MACROD2: variants seen among roughly 807,000 people sequenced by gnomAD.
The protein encoded by MACROD2 is mono-ADP ribosylhydrolase 2.
In MACROD2, 36 loss-of-function variants were observed where a neutral mutation model predicts 70.4. That is an observed-to-expected ratio of 0.51 (90% CI 0.39 to 0.68). The LOEUF is 0.68. Among genes scored for constraint, MACROD2 ranks in the 30% least tolerant of loss-of-function variants. The probability of loss-of-function intolerance (pLI) is 0.00; values close to 1 mark genes in which losing one functional copy is unlikely to be tolerated. For missense variants in MACROD2, 496 were observed against 538.4 expected, an observed-to-expected ratio of 0.92 and a Z score of 0.78; for synonymous variants, 172 against 178.8, an observed-to-expected ratio of 0.96 and a Z score of 0.30.
intron 3 of MACROD2, among the ~76,000 whole-genome samples, chr20:14,476,937 C>G (rs2084601763): frequency 6.6e-6 from 1 of 152,116 alleles, no homozygotes; most frequent in South Asian, 2.1e-4. Context: ...CAAGATGTGG[C>G]AGAAAGAGTG....
At chr20:14,309,225 A>G (rs1007469028) in intron 3 of MACROD2, among the ~76,000 whole-genome samples, 1 of 152,120 alleles carries the variant, frequency 6.6e-6, no homozygotes, top group African/African-American at 2.4e-5. Context: ...GTATGATTCA[A>G]CCTCTTCAAG....
rs976552546 is a variant in MACROD2, at chr20:16,051,029, C to G, written c.*1153C>G. 1 of 152,266 alleles carries G rather than the reference C, an allele frequency of 6.6e-6. No homozygotes were observed. Among genetic ancestry groups the G allele is most frequent in the Non-Finnish European group, 1.5e-5 (1 of 68,118 alleles). 9.4% of individuals were successfully genotyped at this position (152,266 alleles called of 1,614,324 possible). ...GCAGCAGTACTAAAAACCCAAGATG[C>G]CAGTGGTATAGTGGGCACAAGGGAT... On this transcript the variant is annotated 3_prime_UTR_variant, in exon 18 of 18. Coordinates refer to ENST00000684519, the MANE Select transcript of MACROD2 (RefSeq NM_001351661.2).
chr20:16,021,217 G>A (rs11908457), intron 15 of MACROD2, among the ~76,000 whole-genome samples: 5,350 of 152,238 alleles, frequency 0.035, 262 homozygotes, highest in East Asian at 0.16. Context: ...CTCAGAACGT[G>A]AGTAGCAACC....
chr20:15,348,153 C>T (rs1311091649), intron 6 of MACROD2, among the ~76,000 whole-genome samples: 1 of 152,164 alleles, frequency 6.6e-6, no homozygotes, highest in East Asian at 1.9e-4. Flanking sequence ...GAACCTGACT[C>T]CATGGTCCAC....
At chr20:14,710,175 A>C (rs2071320975) in intron 5 of MACROD2, among the ~76,000 whole-genome samples, 1 of 152,178 alleles carries the variant, frequency 6.6e-6, no homozygotes, top group African/African-American at 2.4e-5. Flanking sequence ...AGAGTAAGCA[A>C]GGAGACCTCG....
At chr20:14,136,412 C>T (rs947803131) in intron 3 of MACROD2, among the ~76,000 whole-genome samples, 7 of 152,244 alleles carry the variant, frequency 4.6e-5, no homozygotes, top group Non-Finnish European at 7.4e-5. Context: ...ACTTGAATCA[C>T]GTTCTTGCTA....
rs533209323 is a variant in MACROD2 at position 14,447,996 on chromosome 20, G to A, written c.272-45483G>A. On this transcript the variant is annotated intron_variant, in intron 3 of 17. Coordinates refer to ENST00000684519, the MANE Select transcript of MACROD2 (RefSeq NM_001351661.2). ...TGAAAATGTGTGTGTGTGTGTGTGTGTGTGTGTGTGTCTGTGTCTGCATGT... is the reference window on the plus strand; with the variant it reads ...TGAAAATGTGTGTGTGTGTGTGTGTATGTGTGTGTGTCTGTGTCTGCATGT... 2.2e-3 allele frequency among the ~76,000 whole-genome samples: 335 copies of A among 151,154 alleles called. 4 individuals are homozygous for A. The highest frequency in any genetic ancestry group is 7.7e-3 in the African/African-American group (315 of 41,044).
At position 14,228,141 on chromosome 20, in the gene MACROD2, CTATA is replaced by C. The variant is rs955901133; in HGVS notation, c.271+142420_271+142423del. Among the ~76,000 whole-genome samples, 13 of 145,980 alleles carry C rather than the reference CTATA, an allele frequency of 8.9e-5. No homozygotes were observed. The Admixed American group carries it at 9.1e-4, about 10-fold the overall frequency. ...TCATTCTGCAATTTACTCTTAAAAA[CTATA>C]TATATAGTTTTTTCTATGTATATAT... On this transcript the variant is annotated intron_variant, in intron 3 of 17. Coordinates refer to ENST00000684519, the MANE Select transcript of MACROD2 (RefSeq NM_001351661.2).
chr20:15,236,197 C>G (rs926582836), intron 6 of MACROD2, among the ~76,000 whole-genome samples: 11 of 152,208 alleles, frequency 7.2e-5, no homozygotes, highest in Non-Finnish European at 1.6e-4. Flanking sequence ...TTCCTTTCTT[C>G]TTTTCCCCTA....
intron 5 of MACROD2, among the ~76,000 whole-genome samples, chr20:14,739,396 T>G (rs1177201704): frequency 6.6e-6 from 1 of 151,908 alleles, no homozygotes; most frequent in African/African-American, 2.4e-5. Flanking sequence ...ACCTATATAC[T>G]GAAAGGTAAA....
At chr20:15,548,542 C>T (rs926555768) in intron 8 of MACROD2, among the ~76,000 whole-genome samples, 1 of 152,102 alleles carries the variant, frequency 6.6e-6, no homozygotes, top group Admixed American at 6.6e-5. Flanking sequence ...ATTTCAGGCA[C>T]CTGCCACCAC....
intron 5 of MACROD2, among the ~76,000 whole-genome samples, chr20:14,848,999 A>G (rs1483573194): frequency 6.6e-6 from 1 of 152,150 alleles, no homozygotes; most frequent in Non-Finnish European, 1.5e-5. Flanking sequence ...ACTGAGACAC[A>G]GCCTTGGAAT....
At chr20:15,361,888 T>C (rs2078355497) in intron 6 of MACROD2, among the ~76,000 whole-genome samples, 1 of 152,236 alleles carries the variant, frequency 6.6e-6, no homozygotes, top group African/African-American at 2.4e-5. Flanking sequence ...AAATTGATTT[T>C]TTTGTTACTC....
At chr20:15,126,583 T>C (rs2076068789) in intron 5 of MACROD2, among the ~76,000 whole-genome samples, 1 of 152,014 alleles carries the variant, frequency 6.6e-6, no homozygotes, top group Non-Finnish European at 1.5e-5. Flanking sequence ...TCAAATAGAG[T>C]AACATAATTG....
At chr20:14,314,733 C>T (rs1459141663) in intron 3 of MACROD2, among the ~76,000 whole-genome samples, 1 of 151,552 alleles carries the variant, frequency 6.6e-6, no homozygotes, top group African/African-American at 2.4e-5. Context: ...GCACTCCTGC[C>T]TGGGCAACAA....
intron 15 of MACROD2, among the ~76,000 whole-genome samples, chr20:16,008,121 T>TCATC (rs1183105458): frequency 6.6e-6 from 1 of 152,224 alleles, no homozygotes; most frequent in East Asian, 1.9e-4. Context: ...TTCTGCTGAC[T>TCATC]CATCCCAGCT....
intron 8 of MACROD2, among the ~76,000 whole-genome samples, chr20:15,636,715 C>G (rs1361388426): frequency 6.6e-6 from 1 of 152,054 alleles, no homozygotes; most frequent in African/African-American, 2.4e-5. Flanking sequence ...AACAAAGACT[C>G]AGTTACCTGG....
intron 6 of MACROD2, among the ~76,000 whole-genome samples, chr20:15,398,948 A>G (rs2045895011): frequency 6.6e-6 from 1 of 152,048 alleles, no homozygotes; most frequent in Non-Finnish European, 1.5e-5. Context: ...CTCCCAAATT[A>G]CTATGATTAC....
intron 4 of MACROD2, among the ~76,000 whole-genome samples, chr20:14,552,962 G>A (rs1978761605): frequency 6.6e-6 from 1 of 151,934 alleles, no homozygotes; most frequent in Non-Finnish European, 1.5e-5. Context: ...GTGAACTTAG[G>A]CTACGTTAAA....
Sources: gnomAD v4.1 joint callset for allele counts (sites outside exome capture counted in the v4.1 genomes callset) on GRCh38, gnomAD v4.1.1 for gene constraint, MANE v1.5 for transcripts, NCBI Gene and HGNC (gene_info 2026-07-23, HGNC 2026-07-21) for gene names.